The following MET variants were observed in gnomAD, a reference collection of about 807,000 sequenced individuals.
MET encodes hepatocyte growth factor receptor.
A neutral mutation model predicts 133.1 loss-of-function variants in MET; 48 were observed. That is an observed-to-expected ratio of 0.36 (90% confidence interval 0.29 to 0.46). The LOEUF (loss-of-function observed/expected upper bound fraction) is 0.46. Among genes scored for constraint, MET ranks in the 20% least tolerant of loss-of-function variants. The pLI is 1.00. For missense variants in MET, 1,442 were observed against 1,695.9 expected, an observed-to-expected ratio of 0.85 and a Z score of 2.63; for synonymous variants, 628 against 616.5, an observed-to-expected ratio of 1.02 and a Z score of -0.28.
chr7:116,787,677 C>T (rs543864205), intron 19 of MET, among the ~76,000 whole-genome samples: 3 of 152,326 alleles, frequency 2.0e-5, no homozygotes, highest in South Asian at 4.1e-4. Flanking sequence ...CTCCTCTGAA[C>T]ACTGTTGCAT....
In MET at chr7:116,763,229, G is replaced by A. The variant is rs776137927; in HGVS notation, c.2544G>A (p.Val848=). ...NPVFKPFEKP[V]MISMGNENVL... ...TGTTTAAGCCTTTTGAAAAGCCAGTGATGATCTCAATGGGCAATGAAAATG... is the reference window on the plus strand; with the variant it reads ...TGTTTAAGCCTTTTGAAAAGCCAGTAATGATCTCAATGGGCAATGAAAATG... The change falls in exon 11 of 21, where the codon GTG becomes GTA. Residue 848 remains valine, a synonymous_variant. Transcript: ENST00000397752. 1.2e-6 allele frequency: 2 copies of A among 1,613,912 alleles called. No individual in the cohort carries two copies. Among genetic ancestry groups the A allele is most frequent in the Non-Finnish European group, 1.7e-6 (2 of 1,179,926 alleles).
chr7:116,785,109 G>T (rs910150512), intron 19 of MET, among the ~76,000 whole-genome samples: 7 of 152,146 alleles, frequency 4.6e-5, no homozygotes, highest in Admixed American at 4.6e-4. Flanking sequence ...TCATATCCAG[G>T]GCACGCTGAT....
chr7:116,681,531 A>G (rs1020730410), intron 1 of MET, among the ~76,000 whole-genome samples: 1 of 152,190 alleles, frequency 6.6e-6, no homozygotes, highest in African/African-American at 2.4e-5. Flanking sequence ...CCTTGACTAT[A>G]CAAAGTTCAT....
At chr7:116,754,643 G>C (rs1340727607) in intron 5 of MET, among the ~76,000 whole-genome samples, 1 of 151,058 alleles carries the variant, frequency 6.6e-6, no homozygotes, top group African/African-American at 2.4e-5. Flanking sequence ...AACGTAGTGA[G>C]ACCCTGTCTC....
chr7:116,758,632 C>T lies in MET; in HGVS notation c.2264+12C>T, dbSNP rs1220756470. On this transcript the variant is annotated intron_variant, in intron 9 of 20. Transcript: ENST00000397752. ...AAATCTTTTATTAGGTAAGTAGAAG[C>T]TTCTGATGGGTATAAGAAAACAATG... is the stretch of plus-strand genomic sequence containing the variant. The T allele has an allele frequency of 3.1e-6, 5 of 1,611,458 alleles. No homozygotes were observed. Among genetic ancestry groups the T allele is most frequent in the Non-Finnish European group, 4.2e-6 (5 of 1,178,156 alleles).
chr7:116,740,657 C>T (rs1168935845), intron 4 of MET, among the ~76,000 whole-genome samples, 195 bp from the exon 5 acceptor site: 4 of 152,154 alleles, frequency 2.6e-5, no homozygotes, highest in Non-Finnish European at 4.4e-5. Flanking sequence ...CACATACCTG[C>T]TAACAATAAA....
In MET at chr7:116,688,196, G is replaced by A. The variant is rs1796627543; in HGVS notation, c.-14-10875G>A. 2.0e-5 allele frequency among the ~76,000 whole-genome samples: 3 copies of A among 151,702 alleles called. No individual in the cohort carries two copies. In the South Asian group the frequency reaches 6.3e-4, roughly 32 times the overall value. ...AGTCGGTTTATCCTTTCCAAACCCA[G>A]TATTTGAATGCAACTGGCAAAGGTT... is the stretch of plus-strand genomic sequence containing the variant. On this transcript the variant is annotated intron_variant, in intron 1 of 20. Coordinates refer to ENST00000397752, the MANE Select transcript of MET (RefSeq NM_000245.4).
At chr7:116,704,609 G>A (rs1791716105) in intron 2 of MET, among the ~76,000 whole-genome samples, 1 of 151,536 alleles carries the variant, frequency 6.6e-6, no homozygotes, top group African/African-American at 2.4e-5. Context: ...CCTCCATAAT[G>A]GTTAATTTGT....
intron 19 of MET, among the ~76,000 whole-genome samples, chr7:116,790,121 A>G (rs1795438338): frequency 6.6e-6 from 1 of 152,220 alleles, no homozygotes; most frequent in Admixed American, 6.5e-5. Flanking sequence ...GTCCCTGCAA[A>G]AGACATGATC....
Position 116,763,077 on chromosome 7 carries a change from A to T in MET, c.2392A>T (p.Ile798Leu), listed in dbSNP as rs1794459560. The T allele has an allele frequency of 1.9e-6, 3 of 1,614,020 alleles. No homozygotes were observed. Among genetic ancestry groups the T allele is most frequent in the Non-Finnish European group, 2.5e-6 (3 of 1,179,960 alleles). Reference protein sequence around the residue: ...VACQHRSNSEIICCTTPSLQQ... With the variant: ...VACQHRSNSELICCTTPSLQQ... Reference sequence around the variant, plus strand: ...ATGTCAACATCGCTCTAATTCAGAGATAATCTGTTGTACCACTCCTTCCCT... The same window carrying T: ...ATGTCAACATCGCTCTAATTCAGAGTTAATCTGTTGTACCACTCCTTCCCT... The change falls in exon 11 of 21, where the codon ATA becomes TTA. Residue 798 changes from isoleucine (I) to leucine (L), a missense_variant. Physicochemically the swap from Ile to Leu is conservative, Grantham distance 5. Around this residue, in one of 6 missense-constraint regions of MET, gnomAD observed 514 missense variants for 659.6 expected, o/e 0.78. Transcript: ENST00000397752.
At position 116,699,250 on chromosome 7, in the gene MET, A is replaced by G. The variant is rs746806941; in HGVS notation, c.166A>G (p.Ile56Val). 4 of 1,614,004 alleles carry G rather than the reference A, an allele frequency of 2.5e-6. No homozygotes were observed. Among genetic ancestry groups the G allele is most frequent in the Middle Eastern group, 1.7e-4 (1 of 6,060 alleles). ...CGCGGAAACACCCATCCAGAATGTC[A>G]TTCTACATGAGCATCACATTTTCCT... ...FTAETPIQNVILHEHHIFLGA... is the reference protein window; with the variant it reads ...FTAETPIQNVVLHEHHIFLGA... Residue 56 changes from isoleucine to valine, a missense_variant, in exon 2 of 21, where the codon ATT becomes GTT. Physicochemically the swap from Ile to Val is conservative, Grantham distance 29. Around this residue, in one of 6 missense-constraint regions of MET, gnomAD observed 762 missense variants for 792.4 expected, o/e 0.96. Coordinates refer to ENST00000397752, the MANE Select transcript of MET (RefSeq NM_000245.4).
At chr7:116,733,015 G>A (rs577165620) in intron 3 of MET, among the ~76,000 whole-genome samples, 5 of 151,858 alleles carry the variant, frequency 3.3e-5, no homozygotes, top group East Asian at 3.9e-4. Flanking sequence ...ATTGAACTAC[G>A]CCTTTTCTCC....
At chr7:116,723,302 G>A (rs1237229876) in intron 2 of MET, among the ~76,000 whole-genome samples, 109 of 143,156 alleles carry the variant, frequency 7.6e-4, no homozygotes, top group Non-Finnish European at 1.3e-3. Context: ...CATTCTTCAC[G>A]TAGTTCTCGA....
intron 1 of MET, among the ~76,000 whole-genome samples, chr7:116,694,087 T>C (rs1796875012): frequency 6.6e-6 from 1 of 152,192 alleles, no homozygotes; most frequent in Admixed American, 6.5e-5. Flanking sequence ...AACTAGCAGT[T>C]ATCATCATAG....
chr7:116,764,918 G>A (rs980206044), intron 11 of MET, among the ~76,000 whole-genome samples: 57 of 151,998 alleles, frequency 3.8e-4, no homozygotes, highest in African/African-American at 1.3e-3. Flanking sequence ...TTTTTCTTAT[G>A]TATGAGAGGA....
chr7:116,740,292 A>G (rs903447741), intron 4 of MET, among the ~76,000 whole-genome samples: 2 of 152,226 alleles, frequency 1.3e-5, no homozygotes, highest in Non-Finnish European at 1.5e-5. Flanking sequence ...GGTCTTTTTC[A>G]AAACTTCTCC....
chr7:116,716,284 GGAGAGAGAGAGAGAGAGAGAGAGAGAGA>G (rs564115135), intron 2 of MET, among the ~76,000 whole-genome samples: 1 of 38,022 alleles, frequency 2.6e-5, no homozygotes, highest in African/African-American at 9.7e-5. Context: ...AGGGAGAGAG[GGAGAGAGAGAGAGAGAGAGAGAGAGAGA>G]GAGAGAGAGA....
chr7:116,779,913 CA>C (rs1795104414), intron 17 of MET, among the ~76,000 whole-genome samples: 1 of 152,028 alleles, frequency 6.6e-6, no homozygotes, highest in Admixed American at 6.6e-5. Flanking sequence ...TATTGAATAG[CA>C]CTGTAGTAGA....
chr7:116,695,712 T>C (rs1302143378), intron 1 of MET: 1 of 462,876 alleles, frequency 2.2e-6, no homozygotes, highest in African/African-American at 2.0e-5. Flanking sequence ...AGTTTGCTTA[T>C]CTAGAAGAGA....
Sources: gnomAD v4.1 joint callset for allele counts (sites outside exome capture counted in the v4.1 genomes callset) on GRCh38, gnomAD v4.1.1 for gene constraint, gnomAD v4.1.1 regional missense constraint, MANE v1.5 for transcripts, NCBI Gene and HGNC (gene_info 2026-07-23, HGNC 2026-07-21) for gene names.